Variants in NRP1 observed in about 807,000 individuals in gnomAD.
The protein encoded by NRP1 is neuropilin-1.
Under a neutral mutation model 106.7 loss-of-function variants are expected in NRP1, and 35 were observed. That is an observed-to-expected ratio of 0.33 (90% CI 0.25 to 0.43). The LOEUF (loss-of-function observed/expected upper bound fraction) is 0.43. NRP1 is among the 20% of genes least tolerant of loss of function. The pLI is 1.00. For synonymous variants in NRP1, 437 were observed against 417.9 expected (o/e 1.05, Z -0.56); for missense variants, 1,024 against 1,170.4 (o/e 0.87, Z 1.83).
chr10:33,206,381 A>G (rs758517407), intron 10 of NRP1: 1 of 514,024 alleles, frequency 1.9e-6, no homozygotes, highest in Admixed American at 2.0e-5. Flanking sequence ...TTGGGACATG[A>G]CTACAGATAT....
At position 33,220,588 on chromosome 10, in the gene NRP1, T is replaced by C. The variant is rs554555689; in HGVS notation, c.1282+1131A>G. Among the ~76,000 whole-genome samples, 8 of 152,194 alleles carry C rather than the reference T, an allele frequency of 5.3e-5. No individual in the cohort carries two copies. The South Asian group carries it at 1.7e-3, about 32-fold the overall frequency. Reference sequence around the variant, plus strand: ...CTGCTATATACTGCAGAATATAGCATAGTCATGCAAGAAAACAAATGGACA... The same window carrying C: ...CTGCTATATACTGCAGAATATAGCACAGTCATGCAAGAAAACAAATGGACA... On this transcript the variant is annotated intron_variant, in intron 8 of 16. Coordinates refer to ENST00000374867, the MANE Select transcript of NRP1 (RefSeq NM_003873.7).
intron 1 of NRP1, among the ~76,000 whole-genome samples, chr10:33,332,878 A>AGTGTGTGTGTGTGTGTGTGT (rs34920873): frequency 6.7e-6 from 1 of 149,930 alleles, no homozygotes; most frequent in African/African-American, 2.4e-5. Context: ...AAAACTAAGA[A>AGTGTGTGTGTGTGTGTGTGT]GTGTGTGTGT....
intron 2 of NRP1, among the ~76,000 whole-genome samples, chr10:33,301,192 G>A (rs1845776747): frequency 6.6e-6 from 1 of 152,156 alleles, no homozygotes; most frequent in Non-Finnish European, 1.5e-5. Context: ...AGCAGAGTTT[G>A]GTGCATGGGG....
At chr10:33,221,613 T>A in intron 8 of NRP1, 106 bp downstream of exon 8, 1 of 1,216,684 alleles carries the variant, frequency 8.2e-7, no homozygotes, top group Non-Finnish European at 1.2e-6. Context: ...CAAATAAAAA[T>A]GATTGCATTT....
chr10:33,182,788 C>A, intron 15 of NRP1, 40 bp from the exon 16 acceptor site: 1 of 1,462,936 alleles, frequency 6.8e-7, no homozygotes, highest in Non-Finnish European at 9.6e-7. Context: ...ATTTGAACTG[C>A]CATCAAAATA....
rs754890348 is a variant in NRP1 at position 33,186,400 on chromosome 10, G to A, written c.2151C>T (p.Asn717=). ...ACCAGAAGGTCATGCAGTGGGCAGAGTTCTGGGAATAAACCACAGGGCTCA... is the reference window on the plus strand; with the variant it reads ...ACCAGAAGGTCATGCAGTGGGCAGAATTCTGGGAATAAACCACAGGGCTCA... ...RLVSPVVYSQ[N]SAHCMTFWYH... Residue 717 remains asparagine, a synonymous_variant, in exon 14 of 17, where the codon AAC becomes AAT. Transcript: ENST00000374867. The A allele has an allele frequency of 1.2e-6, 2 of 1,614,034 alleles. No individual in the cohort carries two copies. The highest frequency in any genetic ancestry group is 1.1e-5 in the South Asian group (1 of 91,076).
At chr10:33,226,751 G>A (rs569510367) in intron 6 of NRP1, among the ~76,000 whole-genome samples, 1 of 152,298 alleles carries the variant, frequency 6.6e-6, no homozygotes, top group South Asian at 2.1e-4. Flanking sequence ...ACATTCCTAA[G>A]TCTTTAGACA....
chr10:33,182,168 T>TATC lies in NRP1; in HGVS notation c.2482+527_2482+529dup, dbSNP rs550445801. Among the ~76,000 whole-genome samples, 77 of 152,132 alleles carry TATC rather than the reference T, an allele frequency of 5.1e-4. No individual in the cohort carries two copies. In the East Asian group the frequency reaches 7.3e-3, roughly 14 times the overall value. ...TACTAACTCTTCAATAAATCCTTCT[T>TATC]ATCATCATCATCATCATCACAAAAC... On this transcript the variant is annotated intron_variant, in intron 16 of 16. Coordinates refer to ENST00000374867, the MANE Select transcript of NRP1 (RefSeq NM_003873.7).
rs903060619 is a variant in NRP1, at chr10:33,253,434, T to C, written c.981+594A>G. 5.9e-5 allele frequency among the ~76,000 whole-genome samples: 9 copies of C among 152,234 alleles called. No individual in the cohort carries two copies. The East Asian group carries it at 1.5e-3, about 26-fold the overall frequency. ...AGCATCACTAATGAAGACACAAATA[T>C]GTACATTTCATGCCTAAACATGGAT... On this transcript the variant is annotated intron_variant, in intron 6 of 16. Coordinates refer to ENST00000374867, the MANE Select transcript of NRP1 (RefSeq NM_003873.7).
chr10:33,247,119 GT>G (rs1841484837), intron 6 of NRP1, among the ~76,000 whole-genome samples: 2 of 152,296 alleles, frequency 1.3e-5, no homozygotes, highest in Admixed American at 1.3e-4. Flanking sequence ...AATTACTTCA[GT>G]TTCTACTTTC....
chr10:33,315,475 T>C (rs990697725), intron 2 of NRP1, among the ~76,000 whole-genome samples: 39 of 152,218 alleles, frequency 2.6e-4, no homozygotes, highest in Non-Finnish European at 1.0e-4. Context: ...GGTTGTCAAT[T>C]GGCCAATTGG....
chr10:33,302,335 T>A (rs531406642), intron 2 of NRP1, among the ~76,000 whole-genome samples: 1 of 152,322 alleles, frequency 6.6e-6, no homozygotes, highest in East Asian at 1.9e-4. Context: ...CCTGGTCTCA[T>A]CCTGTTTGGC....
intron 2 of NRP1, among the ~76,000 whole-genome samples, chr10:33,282,310 C>T (rs1281162492): frequency 3.3e-5 from 5 of 152,002 alleles, no homozygotes; most frequent in Non-Finnish European, 7.4e-5. Flanking sequence ...GCAGTGCGTC[C>T]GGCTTACTGC....
intron 2 of NRP1, among the ~76,000 whole-genome samples, chr10:33,276,345 T>C (rs1843696027): frequency 6.6e-6 from 1 of 152,100 alleles, no homozygotes; most frequent in African/African-American, 2.4e-5. Context: ...ACCCACTGGA[T>C]CAATGAGATG....
At chr10:33,185,241 T>C (rs1408948748) in intron 15 of NRP1, among the ~76,000 whole-genome samples, 1 of 152,254 alleles carries the variant, frequency 6.6e-6, no homozygotes, top group Non-Finnish European at 1.5e-5. Context: ...ATCAAAGTTT[T>C]CAGAGGCCTG....
chr10:33,310,849 G>A (rs75135051), intron 2 of NRP1, among the ~76,000 whole-genome samples: 6,975 of 152,164 alleles, frequency 0.046, 560 homozygotes, highest in African/African-American at 0.16. Flanking sequence ...TTTAGACCCC[G>A]GCTTGGGATG....
intron 2 of NRP1, among the ~76,000 whole-genome samples, chr10:33,276,418 T>C (rs1843701729): frequency 6.6e-6 from 1 of 152,180 alleles, no homozygotes; most frequent in Admixed American, 6.6e-5. Context: ...ATCCATTTTC[T>C]GAAAGGCTGG....
intron 4 of NRP1, among the ~76,000 whole-genome samples, chr10:33,258,993 C>T (rs977005544): frequency 2.0e-5 from 3 of 152,106 alleles, no homozygotes; most frequent in Non-Finnish European, 2.9e-5. Flanking sequence ...GTTTACAGCC[C>T]TAATCCTTGG....
chr10:33,226,319 C>A (rs761107452), intron 6 of NRP1, 30 bp from the exon 7 acceptor site: 2 of 1,612,280 alleles, frequency 1.2e-6, no homozygotes, highest in South Asian at 1.1e-5. Context: ...GTGGTCAGTG[C>A]ACCATCCCTG....
Sources: gnomAD v4.1 joint callset for allele counts (sites outside exome capture counted in the v4.1 genomes callset) on GRCh38, gnomAD v4.1.1 for gene constraint, MANE v1.5 for transcripts, NCBI Gene and HGNC (gene_info 2026-07-23, HGNC 2026-07-21) for gene names.